The following ABCB10 variants were observed in gnomAD, a reference collection of about 807,000 sequenced individuals.
The protein encoded by ABCB10 is ATP binding cassette subfamily B member 10.
A neutral mutation model predicts 65.4 loss-of-function variants in ABCB10; 54 were observed. The observed-to-expected ratio is 0.83, with a 90% CI of 0.66 to 1.04. The LOEUF is 1.04. Ranked by LOEUF, ABCB10 falls within the 50% of genes least tolerant of loss-of-function variation. The pLI is 0.00. For missense variants in ABCB10, 846 were observed against 976.6 expected, an observed-to-expected ratio of 0.87 and a Z score of 1.78; for synonymous variants, 418 against 406.5, an observed-to-expected ratio of 1.03 and a Z score of -0.34.
chr1:229,549,080 G>A (rs887421354), intron 2 of ABCB10, among the ~76,000 whole-genome samples, 154 bp downstream of exon 2: 1 of 152,162 alleles, frequency 6.6e-6, no homozygotes, highest in Non-Finnish European at 1.5e-5. Flanking sequence ...TCCAACATCT[G>A]GGCAGTCATT....
intron 8 of ABCB10, among the ~76,000 whole-genome samples, chr1:229,528,742 G>C (rs898449972): frequency 3.3e-5 from 5 of 151,488 alleles, no homozygotes; most frequent in African/African-American, 1.2e-4. Flanking sequence ...TACCCGGGCT[G>C]GTCTCCAACT....
intron 4 of ABCB10, 55 bp from the exon 5 acceptor site, chr1:229,540,807 C>T (rs1662825516): frequency 6.6e-7 from 1 of 1,513,098 alleles, no homozygotes; most frequent in Non-Finnish European, 8.8e-7. Context: ...TCAAGAGCTT[C>T]TAAGAAGGAA....
intron 6 of ABCB10, among the ~76,000 whole-genome samples, chr1:229,534,799 G>C (rs946715994): frequency 2.0e-5 from 3 of 150,740 alleles, no homozygotes; most frequent in Admixed American, 1.3e-4. Flanking sequence ...TGAACCTGGG[G>C]GGGTGGAGGT....
intron 1 of ABCB10, 23 bp downstream of exon 1, chr1:229,558,113 G>T: frequency 7.4e-7 from 1 of 1,343,770 alleles, no homozygotes; most frequent in Non-Finnish European, 9.5e-7. Flanking sequence ...CCGGCGGAGG[G>T]AAGTGGCCGG....
At chr1:229,531,118 T>G (rs1005591923) in intron 7 of ABCB10, among the ~76,000 whole-genome samples, 4 of 152,206 alleles carry the variant, frequency 2.6e-5, no homozygotes, top group Non-Finnish European at 4.4e-5. Flanking sequence ...CTAGTTGGTT[T>G]AGGCCCTACA....
rs2102689916 is a variant in ABCB10, at chr1:229,531,258, C to T, written c.1435+378G>A. 1.3e-5 allele frequency among the ~76,000 whole-genome samples: 2 copies of T among 152,328 alleles called. 1 individual carries two copies. The highest frequency in any genetic ancestry group is 2.9e-5 in the Non-Finnish European group (2 of 68,020). ...TCTGATTCCTCCTCCCTTATTCCCA[C>T]CCTAGCCCTCCACAGAGATGTCAGA... On this transcript the variant is annotated intron_variant, in intron 7 of 12. Transcript: ENST00000344517.
intron 10 of ABCB10, among the ~76,000 whole-genome samples, 180 bp downstream of exon 10, chr1:229,525,756 C>T (rs1351365471): frequency 6.6e-6 from 1 of 152,080 alleles, no homozygotes; most frequent in Non-Finnish European, 1.5e-5. Flanking sequence ...GGCATGAACC[C>T]AGGAGGAGGA....
At chr1:229,548,673 T>G (rs1388279719) in intron 2 of ABCB10, among the ~76,000 whole-genome samples, 4 of 150,888 alleles carry the variant, frequency 2.7e-5, no homozygotes, top group Non-Finnish European at 5.9e-5. Flanking sequence ...TTTCTTTTTT[T>G]TTTTTTTGAG....
intron 7 of ABCB10, among the ~76,000 whole-genome samples, chr1:229,530,728 A>C (rs1453621793): frequency 6.6e-6 from 1 of 152,258 alleles, no homozygotes; most frequent in East Asian, 1.9e-4. Flanking sequence ...TAAGCTAACA[A>C]GTAGTGGAGT....
At chr1:229,526,137 A>T (rs1662438917) in intron 9 of ABCB10, 21 bp from the exon 10 acceptor site, 1 of 1,597,546 alleles carries the variant, frequency 6.3e-7, no homozygotes, top group African/African-American at 1.3e-5. Context: ...GAAATAAAAC[A>T]TATCACGAAT....
intron 12 of ABCB10, 135 bp from the exon 13 acceptor site, chr1:229,518,545 C>T (rs1662231319): frequency 1.4e-6 from 1 of 724,348 alleles, no homozygotes; most frequent in Admixed American, 2.7e-5. Flanking sequence ...ACTTTCTGAT[C>T]TCCATAAAAC....
At position 229,535,466 on chromosome 1, in the gene ABCB10, A is replaced by T. The variant is rs759138686; in HGVS notation, c.1340-3735T>A. Among the ~76,000 whole-genome samples the T allele has an allele frequency of 3.3e-5, 5 of 152,226 alleles. No individual in the cohort carries two copies. In the South Asian group the frequency reaches 1.0e-3, roughly 31 times the overall value. On this transcript the variant is annotated intron_variant, in intron 6 of 12. Transcript: ENST00000344517. ...CTTAAATGCATATTTCTGTGAAAAG[A>T]GCCAATCAAATGCTACATACTGCAA... is the stretch of plus-strand genomic sequence containing the variant.
rs753605204 is a variant in ABCB10 at position 229,518,138 on chromosome 1, T to C, written c.*41A>G. The C allele has an allele frequency of 6.1e-6, 9 of 1,467,146 alleles. No homozygotes were observed. The highest frequency in any genetic ancestry group is 8.6e-6 in the Non-Finnish European group (9 of 1,051,620). The allele number at this position is 1,467,146 out of a possible 1,614,324, so 90.9% of individuals were successfully genotyped here. ...CTGAGTTTTTTTTCTGCAACACTGTTTTGCATTAAAGTCTCATATTGTTTA... is the reference window on the plus strand; with the variant it reads ...CTGAGTTTTTTTTCTGCAACACTGTCTTGCATTAAAGTCTCATATTGTTTA... On this transcript the variant is annotated 3_prime_UTR_variant, in exon 13 of 13. Coordinates refer to ENST00000344517, the MANE Select transcript of ABCB10 (RefSeq NM_012089.3).
intron 1 of ABCB10, chr1:229,550,049 A>AT (rs1239624038): frequency 6.6e-6 from 1 of 152,450 alleles, no homozygotes; most frequent in Non-Finnish European, 1.5e-5. Context: ...CCCATTCCAG[A>AT]TAACTTTTGG....
chr1:229,548,532 T>A (rs1458007317), intron 2 of ABCB10, among the ~76,000 whole-genome samples: 2 of 152,092 alleles, frequency 1.3e-5, no homozygotes, highest in Admixed American at 1.3e-4. Flanking sequence ...TTCAGAGAAA[T>A]ACTAACAAAG....
intron 4 of ABCB10, among the ~76,000 whole-genome samples, 161 bp from the exon 5 acceptor site, chr1:229,540,913 T>G (rs897330431): frequency 2.0e-5 from 3 of 152,158 alleles, no homozygotes; most frequent in Non-Finnish European, 4.4e-5. Flanking sequence ...ACACTATCAA[T>G]GGAAAGCCAC....
intron 8 of ABCB10, among the ~76,000 whole-genome samples, chr1:229,529,642 C>T (rs1219778760): frequency 7.0e-6 from 1 of 143,718 alleles, no homozygotes; most frequent in African/African-American, 2.6e-5. Flanking sequence ...TGCACTCCAG[C>T]CTGGGCGACA....
In ABCB10 at chr1:229,517,456, C is replaced by A. The variant is rs921634357; in HGVS notation, c.*723G>T. 6.6e-5 allele frequency: 10 copies of A among 152,200 alleles called. No homozygotes were observed. The highest frequency in any genetic ancestry group is 1.0e-4 in the Non-Finnish European group (7 of 68,040). The allele number at this position is 152,200 out of a possible 1,614,324, so 9.4% of individuals were successfully genotyped here. The stretch of plus-strand genomic sequence containing the variant: ...GCCTTGCTTCGCAAAAGTACTCATA[C>A]AAACATGTGAATTTAAAAAACATGT... On this transcript the variant is annotated 3_prime_UTR_variant, in exon 13 of 13. Transcript: ENST00000344517.
intron 3 of ABCB10, among the ~76,000 whole-genome samples, chr1:229,543,969 C>A (rs1349985399): frequency 6.6e-6 from 1 of 152,226 alleles, no homozygotes; most frequent in African/African-American, 2.4e-5. Context: ...ACCAACTGGA[C>A]AGGTGTCCTC....
Sources: gnomAD v4.1 joint callset for allele counts (sites outside exome capture counted in the v4.1 genomes callset) on GRCh38, gnomAD v4.1.1 for gene constraint, MANE v1.5 for transcripts, NCBI Gene and HGNC (gene_info 2026-07-23, HGNC 2026-07-21) for gene names.